The following TG variants were observed in gnomAD, a reference collection of about 807,000 sequenced individuals.
TG encodes the protein thyroid hormones.
TG carries 270 observed loss-of-function variants against 324.7 expected under a neutral mutation model. That is an observed-to-expected ratio of 0.83 (90% confidence interval 0.75 to 0.92). TG has a LOEUF of 0.92. TG is among the 40% of genes least tolerant of loss of function. The probability of loss-of-function intolerance (pLI) is 0.00; values close to 1 mark genes in which losing one functional copy is unlikely to be tolerated. For synonymous variants in TG, 1,401 were observed against 1,327.0 expected, an observed-to-expected ratio of 1.06 and a Z score of -1.21; for missense variants, 3,591 against 3,456.4, an observed-to-expected ratio of 1.04 and a Z score of -0.98.
At chr8:133,024,344 TTC>T (rs1835845811) in intron 40 of TG, among the ~76,000 whole-genome samples, 1 of 120,924 alleles carries the variant, frequency 8.3e-6, no homozygotes, top group Non-Finnish European at 1.7e-5. Flanking sequence ...CTTTCTTTCT[TTC>T]TTTCTTTCTT....
At chr8:133,113,902 G>A (rs1372245096) in intron 44 of TG, among the ~76,000 whole-genome samples, 2 of 152,208 alleles carry the variant, frequency 1.3e-5, no homozygotes, top group Non-Finnish European at 2.9e-5. Flanking sequence ...GCACTTGCCA[G>A]AAGTGCCTGG....
intron 41 of TG, chr8:133,074,788 A>G: frequency 2.2e-6 from 2 of 916,348 alleles, no homozygotes; most frequent in Non-Finnish European, 2.6e-6. Context: ...ACCCCTGCCA[A>G]CTGCGTGTTG....
At chr8:132,980,462 C>T (rs534508332) in intron 34 of TG, among the ~76,000 whole-genome samples, 30 of 152,222 alleles carry the variant, frequency 2.0e-4, no homozygotes, top group East Asian at 9.7e-4. Context: ...GGCTCCCCCC[C>T]GGCCCTCTTG....
In TG at chr8:132,969,442, T is replaced by C; in HGVS notation, c.5864-16T>C. The C allele has an allele frequency of 6.4e-7, 1 of 1,564,660 alleles. No homozygotes were observed. The highest frequency in any genetic ancestry group is 8.8e-7 in the Non-Finnish European group (1 of 1,135,120). On this transcript the variant is annotated splice_polypyrimidine_tract_variant and intron_variant, in intron 31 of 47. Transcript: ENST00000220616. ...CAAATCTCTAAGTAATGTATTTTCTTTCTTCCTCTATGAAGTTATACTGGA... is the reference window on the plus strand; with the variant it reads ...CAAATCTCTAAGTAATGTATTTTCTCTCTTCCTCTATGAAGTTATACTGGA...
intron 27 of TG, among the ~76,000 whole-genome samples, 168 bp from the exon 28 acceptor site, chr8:132,960,840 G>A (rs1219772111): frequency 6.6e-6 from 1 of 152,154 alleles, no homozygotes; most frequent in East Asian, 1.9e-4. Context: ...TTTGTACTAG[G>A]GAGCTGGAAT....
intron 14 of TG, 169 bp downstream of exon 14, chr8:132,899,079 A>C: frequency 4.4e-6 from 3 of 684,704 alleles, no homozygotes; most frequent in East Asian, 2.7e-5. Context: ...TGGGCTATTT[A>C]CTTACCTTTT....
chr8:132,894,441 A>G (rs1464820555), intron 11 of TG, among the ~76,000 whole-genome samples: 1 of 152,156 alleles, frequency 6.6e-6, no homozygotes, highest in South Asian at 2.1e-4. Flanking sequence ...TCTGGTCTAT[A>G]ATAACAGCTG....
In TG at chr8:132,888,024, C is replaced by A. The variant is rs749561307; in HGVS notation, c.2217C>A (p.Leu739=). 38 of 1,614,044 alleles carry A rather than the reference C, an allele frequency of 2.4e-5. No homozygotes were observed. Among genetic ancestry groups the A allele is most frequent in the Middle Eastern group, 3.3e-4 (2 of 6,084 alleles). Residue 739 remains leucine, a synonymous_variant, in exon 10 of 48, where the codon CTC becomes CTA. Transcript: ENST00000220616. ...PCQLQSEQAF[L]RTVQALLSNS... ...AATTACAGTCTGAGCAAGCTTTCCT[C>A]AGGACGGTGCAGGCCCTGCTCTCTA...
chr8:132,921,202 C>T (rs1211862022), intron 21 of TG, among the ~76,000 whole-genome samples: 1 of 152,186 alleles, frequency 6.6e-6, no homozygotes, highest in Non-Finnish European at 1.5e-5. Flanking sequence ...TTAGAGCTTC[C>T]ATATATAAGT....
rs765607149 is a variant in TG, at chr8:132,913,107, C to T, written c.4220C>T (p.Ser1407Leu). 7.4e-6 allele frequency: 12 copies of T among 1,614,234 alleles called. No individual in the cohort carries two copies. The highest frequency in any genetic ancestry group is 1.1e-5 in the South Asian group (1 of 91,088). ...TTCACAGATCTGATCCAGAGTGGCT[C>T]ATTCCAGCTTCATCTGGACTCCAAG... Reference protein sequence around the residue: ...GRFTDLIQSGSFQLHLDSKTF... With the variant: ...GRFTDLIQSGLFQLHLDSKTF... The change falls in exon 20 of 48, where the codon TCA becomes TTA. Residue 1407 changes from serine (S) to leucine (L), a missense_variant. Physicochemically the swap from Ser to Leu is moderately radical, Grantham distance 145. Coordinates refer to ENST00000220616, the MANE Select transcript of TG (RefSeq NM_003235.5).
chr8:132,942,442 T>C (rs1224965944), intron 26 of TG, among the ~76,000 whole-genome samples: 1 of 152,222 alleles, frequency 6.6e-6, no homozygotes, highest in Non-Finnish European at 1.5e-5. Context: ...ATTAAATTTA[T>C]GAAAAATTCT....
intron 41 of TG, among the ~76,000 whole-genome samples, chr8:133,074,573 C>T (rs1423497465): frequency 6.6e-6 from 1 of 152,218 alleles, no homozygotes; most frequent in Non-Finnish European, 1.5e-5. Context: ...TTGTAAGAAG[C>T]CTGCTAAGTA....
At chr8:133,071,746 C>G (rs1205890177) in intron 41 of TG, among the ~76,000 whole-genome samples, 1 of 152,158 alleles carries the variant, frequency 6.6e-6, no homozygotes, top group Non-Finnish European at 1.5e-5. Context: ...ACTGACTACA[C>G]TTGGTCCCCT....
intron 27 of TG, among the ~76,000 whole-genome samples, chr8:132,951,979 G>C (rs757481570): frequency 2.6e-5 from 4 of 152,270 alleles, no homozygotes; most frequent in Non-Finnish European, 2.9e-5. Context: ...AAGAACATAG[G>C]GGGTGCTAGG....
chr8:132,879,798 A>C (rs753373131), intron 5 of TG, among the ~76,000 whole-genome samples: 2 of 152,192 alleles, frequency 1.3e-5, no homozygotes, highest in African/African-American at 2.4e-5. Flanking sequence ...AGGTCCAGGT[A>C]CTGGGCAGTT....
chr8:132,993,726 G>C (rs1376472347), intron 35 of TG, among the ~76,000 whole-genome samples: 2 of 152,154 alleles, frequency 1.3e-5, no homozygotes, highest in African/African-American at 4.8e-5. Context: ...AGAAGATGGG[G>C]AAAATATATG....
chr8:132,932,124 T>TTGG (rs1554672013), intron 23 of TG, among the ~76,000 whole-genome samples: 4 of 150,590 alleles, frequency 2.7e-5, no homozygotes, highest in African/African-American at 9.8e-5. Flanking sequence ...ATTATTTTTT[T>TTGG]GGGGGGGGTG....
At chr8:133,001,416 C>T (rs1833485276) in intron 35 of TG, among the ~76,000 whole-genome samples, 1 of 152,142 alleles carries the variant, frequency 6.6e-6, no homozygotes, top group African/African-American at 2.4e-5. Context: ...GTGTCTGCTG[C>T]AAGTGTAAAG....
chr8:132,983,173 A>G (rs1831098014), intron 34 of TG, among the ~76,000 whole-genome samples, 177 bp from the exon 35 acceptor site: 1 of 152,074 alleles, frequency 6.6e-6, no homozygotes. Context: ...TTATATGTTG[A>G]GATTGTTTGT....
Sources: allele counts gnomAD v4.1 joint callset (sites outside exome capture counted in the v4.1 genomes callset), GRCh38; gene constraint gnomAD v4.1.1; transcripts MANE v1.5; gene names NCBI Gene and HGNC (gene_info 2026-07-23, HGNC 2026-07-21).